NUBPL: variants seen among roughly 807,000 people sequenced by gnomAD.
The protein encoded by NUBPL is iron-sulfur cluster transfer protein NUBPL.
In NUBPL, 31 loss-of-function variants were observed where a neutral mutation model predicts 45.7. The observed-to-expected ratio is 0.68, with a 90% confidence interval of 0.51 to 0.92. The LOEUF (loss-of-function observed/expected upper bound fraction) is 0.92. NUBPL is among the 40% of genes least tolerant of loss of function. The pLI is 0.00. For synonymous variants in NUBPL, 144 were observed against 140.9 expected (o/e 1.02, Z -0.15); for missense variants, 401 against 398.7 (o/e 1.01, Z -0.05).
At chr14:31,638,874 G>C (rs1274389880) in intron 4 of NUBPL, among the ~76,000 whole-genome samples, 1 of 152,114 alleles carries the variant, frequency 6.6e-6, no homozygotes, top group Non-Finnish European at 1.5e-5. Flanking sequence ...CAGTTGATCG[G>C]ATCGGCTCCT....
intron 6 of NUBPL, among the ~76,000 whole-genome samples, chr14:31,731,983 A>T (rs2038058561): frequency 6.6e-6 from 1 of 151,954 alleles, no homozygotes. Flanking sequence ...CGGGCGGATC[A>T]CGAGGTCAGG....
At chr14:31,755,080 T>C (rs1189077248) in intron 6 of NUBPL, among the ~76,000 whole-genome samples, 7 of 152,098 alleles carry the variant, frequency 4.6e-5, no homozygotes, top group Non-Finnish European at 1.0e-4. Context: ...TGCCACATTT[T>C]CTTAATCCAG....
chr14:31,631,625 G>T (rs1474050053), intron 4 of NUBPL, among the ~76,000 whole-genome samples: 1 of 152,020 alleles, frequency 6.6e-6, no homozygotes, highest in African/African-American at 2.4e-5. Context: ...GAATCCAAAG[G>T]TCTAAGAACC....
intron 6 of NUBPL, among the ~76,000 whole-genome samples, chr14:31,699,226 T>C (rs937518844): frequency 1.3e-5 from 2 of 152,212 alleles, no homozygotes; most frequent in Admixed American, 1.3e-4. Flanking sequence ...GCAACAAATA[T>C]ATTAGACTTT....
chr14:31,819,688 G>T (rs1053161172), intron 7 of NUBPL, among the ~76,000 whole-genome samples: 6 of 152,142 alleles, frequency 3.9e-5, no homozygotes, highest in Non-Finnish European at 7.4e-5. Context: ...TAATTATTTT[G>T]TAAAATGTTT....
intron 6 of NUBPL, among the ~76,000 whole-genome samples, chr14:31,690,809 C>T (rs1003143501): frequency 1.5e-4 from 23 of 152,224 alleles, no homozygotes; most frequent in Middle Eastern, 3.4e-3. Flanking sequence ...ACCTTGTAGA[C>T]GCCACACCAG....
At chr14:31,841,537 T>A (rs1238847855) in intron 8 of NUBPL, among the ~76,000 whole-genome samples, 1 of 137,680 alleles carries the variant, frequency 7.3e-6, no homozygotes, top group Non-Finnish European at 1.6e-5. Flanking sequence ...AAGTCCTTTG[T>A]CATGTATGTG....
intron 4 of NUBPL, among the ~76,000 whole-genome samples, chr14:31,629,156 A>T (rs1243816095): frequency 6.6e-6 from 1 of 152,222 alleles, no homozygotes; most frequent in Non-Finnish European, 1.5e-5. Flanking sequence ...ATAACCAACC[A>T]TATTTGGAGA....
intron 4 of NUBPL, among the ~76,000 whole-genome samples, chr14:31,611,615 C>G (rs1051142462): frequency 6.6e-6 from 1 of 152,140 alleles, no homozygotes; most frequent in Non-Finnish European, 1.5e-5. Flanking sequence ...ATAGCCAAAG[C>G]TAATCTAGGC....
chr14:31,766,198 A>G (rs1186759469), intron 6 of NUBPL, among the ~76,000 whole-genome samples: 7 of 152,224 alleles, frequency 4.6e-5, no homozygotes, highest in Non-Finnish European at 1.0e-4. Context: ...GGGATTTACC[A>G]CAGGATTTTA....
chr14:31,637,494 G>T (rs184945922), intron 4 of NUBPL, among the ~76,000 whole-genome samples: 6 of 152,168 alleles, frequency 3.9e-5, no homozygotes, highest in Admixed American at 6.5e-5. Context: ...TTGCTGAGGA[G>T]AGCTTTACTT....
chr14:31,811,903 G>T (rs150738294), intron 7 of NUBPL, among the ~76,000 whole-genome samples: 111 of 152,270 alleles, frequency 7.3e-4, no homozygotes, highest in Non-Finnish European at 1.3e-3. Flanking sequence ...GTTTGATTTT[G>T]CTAGAAGTCC....
At chr14:31,605,284 A>G (rs925803658) in intron 4 of NUBPL, among the ~76,000 whole-genome samples, 1 of 152,192 alleles carries the variant, frequency 6.6e-6, no homozygotes, top group African/African-American at 2.4e-5. Context: ...ATTAGTAGAA[A>G]TATCTGCTTT....
At chr14:31,740,135 G>T (rs576250145) in intron 6 of NUBPL, among the ~76,000 whole-genome samples, 2 of 152,172 alleles carry the variant, frequency 1.3e-5, no homozygotes, top group Non-Finnish European at 2.9e-5. Context: ...AGGTTTCTGT[G>T]TGGATATAAG....
chr14:31,831,663 C>A (rs1422722500), intron 8 of NUBPL, among the ~76,000 whole-genome samples: 1 of 152,154 alleles, frequency 6.6e-6, no homozygotes, highest in Non-Finnish European at 1.5e-5. Flanking sequence ...AGAATTCAGT[C>A]TTGAAAGAAT....
rs543928718 is a variant in NUBPL, at chr14:31,625,867, A to G, written c.382+26488A>G. Among the ~76,000 whole-genome samples the G allele has an allele frequency of 1.1e-4, 17 of 152,300 alleles. No individual in the cohort carries two copies. The South Asian group carries it at 3.5e-3, about 32-fold the overall frequency. ...GTAAATAGTAGGGAATGAACAGAAG[A>G]CCATGGAAACAGAGGAACTTCCAGT... is the stretch of plus-strand genomic sequence containing the variant. On this transcript the variant is annotated intron_variant, in intron 4 of 10. Coordinates refer to ENST00000281081, the MANE Select transcript of NUBPL (RefSeq NM_025152.3).
At chr14:31,812,753 A>G (rs374767961) in intron 7 of NUBPL, among the ~76,000 whole-genome samples, 1 of 152,146 alleles carries the variant, frequency 6.6e-6, no homozygotes, top group Non-Finnish European at 1.5e-5. Flanking sequence ...AGCTGTTCCT[A>G]TTCGGCCATC....
At chr14:31,613,242 A>G (rs967206756) in intron 4 of NUBPL, among the ~76,000 whole-genome samples, 21 of 152,306 alleles carry the variant, frequency 1.4e-4, no homozygotes, top group Admixed American at 3.9e-4. Flanking sequence ...TCTAAAAATC[A>G]AAACAATTGA....
At chr14:31,769,518 G>C (rs2038969984) in intron 6 of NUBPL, among the ~76,000 whole-genome samples, 1 of 151,970 alleles carries the variant, frequency 6.6e-6, no homozygotes, top group Admixed American at 6.6e-5. Context: ...TTGTGGTTCA[G>C]TATAAATTTA....
Sources: allele counts gnomAD v4.1 joint callset (sites outside exome capture counted in the v4.1 genomes callset), GRCh38; gene constraint gnomAD v4.1.1; transcripts MANE v1.5; gene names NCBI Gene and HGNC (gene_info 2026-07-23, HGNC 2026-07-21).